DIP2C: variants seen among roughly 807,000 people sequenced by gnomAD.
DIP2C encodes the protein disco-interacting protein 2 homolog C.
A neutral mutation model predicts 192.4 loss-of-function variants in DIP2C; 33 were observed. The ratio of observed to expected loss-of-function variants is 0.17; its 90% CI spans 0.13 to 0.23. The LOEUF (loss-of-function observed/expected upper bound fraction) is 0.23. Among genes scored for constraint, DIP2C ranks in the 10% least tolerant of loss-of-function variants. DIP2C has a pLI of 1.00. For synonymous variants in DIP2C, 979 were observed against 864.1 expected, an observed-to-expected ratio of 1.13 and a Z score of -2.33; for missense variants, 1,537 against 2,110.1, an observed-to-expected ratio of 0.73 and a Z score of 5.32.
intron 17 of DIP2C, among the ~76,000 whole-genome samples, chr10:377,791 C>A (rs1177810760): frequency 2.6e-5 from 4 of 152,178 alleles, no homozygotes; most frequent in Non-Finnish European, 5.9e-5. Context: ...TGGATACTTT[C>A]AAAAACTAGA....
intron 1 of DIP2C, among the ~76,000 whole-genome samples, chr10:509,693 A>G (rs1430659810): frequency 6.6e-6 from 1 of 152,192 alleles, no homozygotes; most frequent in African/African-American, 2.4e-5. Flanking sequence ...AAGCAGATCC[A>G]TGAGACACAG....
rs2132011874 is a variant in DIP2C, at chr10:651,643, A to G, written c.85+37851T>C. ...CAAGGCTCTGAGGCCAACTTTGAACATTTATTTGAGTGAATTCACGTCCCC... is the reference window on the plus strand; with the variant it reads ...CAAGGCTCTGAGGCCAACTTTGAACGTTTATTTGAGTGAATTCACGTCCCC... On this transcript the variant is annotated intron_variant, in intron 1 of 36. Coordinates refer to ENST00000280886, the MANE Select transcript of DIP2C (RefSeq NM_014974.3). This position sits in a 1 kb window ranked among gnomAD's most constrained non-coding sequence, Gnocchi z 4.1. 1 of 351,854 alleles carries G rather than the reference A, an allele frequency of 2.8e-6. No individual in the cohort carries two copies. The highest frequency in any genetic ancestry group is 5.5e-6 in the Non-Finnish European group (1 of 180,528). The allele number at this position is 351,854 out of a possible 1,614,324, so 21.8% of individuals were successfully genotyped here. A position where few individuals can be genotyped will look rare whatever the true frequency, so the allele number is the denominator to read the frequency against.
chr10:423,399 G>A (rs765167572), intron 4 of DIP2C, among the ~76,000 whole-genome samples: 4 of 152,240 alleles, frequency 2.6e-5, no homozygotes, highest in African/African-American at 7.2e-5. Flanking sequence ...GAGGGCCTGT[G>A]CGGCTCTCAG....
intron 1 of DIP2C, among the ~76,000 whole-genome samples, chr10:656,422 T>TC (rs1474218337): frequency 5.9e-5 from 9 of 152,194 alleles, no homozygotes; most frequent in Admixed American, 1.3e-4. Flanking sequence ...CTTTACCATG[T>TC]CCCACTACAT....
At chr10:586,023 G>A (rs1169669302) in intron 1 of DIP2C, among the ~76,000 whole-genome samples, 1 of 152,174 alleles carries the variant, frequency 6.6e-6, no homozygotes, top group Non-Finnish European at 1.5e-5. Flanking sequence ...CAGGATTAAA[G>A]GCAGGACTCC....
At chr10:376,664 C>T (rs867728613) in intron 17 of DIP2C, among the ~76,000 whole-genome samples, 16 of 151,972 alleles carry the variant, frequency 1.1e-4, no homozygotes, top group Admixed American at 2.6e-4. Context: ...ATGAAGGTGC[C>T]GGGGCAGCCA....
chr10:458,150 CA>C (rs1969458567), intron 3 of DIP2C, among the ~76,000 whole-genome samples: 1 of 152,220 alleles, frequency 6.6e-6, no homozygotes, highest in Non-Finnish European at 1.5e-5. Flanking sequence ...CAGAGCCTGT[CA>C]CCTCCTCTGG....
At chr10:486,412 G>C in intron 2 of DIP2C, 47 bp downstream of exon 2, 1 of 1,512,996 alleles carries the variant, frequency 6.6e-7, no homozygotes, top group Non-Finnish European at 8.9e-7. Context: ...GGCACATAGT[G>C]AATGCGGGAA....
chr10:572,648 A>G (rs1483954411), intron 1 of DIP2C, among the ~76,000 whole-genome samples: 1 of 152,248 alleles, frequency 6.6e-6, no homozygotes, highest in Admixed American at 6.5e-5. Flanking sequence ...CTCTCCAGTG[A>G]CTGTATTCAC....
At chr10:370,081 T>C in intron 17 of DIP2C, 1 of 979,790 alleles carries the variant, frequency 1.0e-6, no homozygotes, top group African/African-American at 1.7e-5. Context: ...ACAGCAATGA[T>C]GGAAATCCTG....
chr10:540,622 A>G (rs1847928394), intron 1 of DIP2C, among the ~76,000 whole-genome samples: 1 of 152,228 alleles, frequency 6.6e-6, no homozygotes, highest in South Asian at 2.1e-4. Context: ...GACCAAGAAT[A>G]TGGCGGTGAT....
intron 9 of DIP2C, among the ~76,000 whole-genome samples, 162 bp from the exon 10 acceptor site, chr10:399,381 C>T (rs1017544658): frequency 4.6e-5 from 7 of 152,154 alleles, no homozygotes; most frequent in African/African-American, 1.7e-4. Context: ...ATCACACACC[C>T]GGCCTTGAAT....
At chr10:477,910 G>C (rs372821098) in intron 2 of DIP2C, among the ~76,000 whole-genome samples, 39 of 98,196 alleles carry the variant, frequency 4.0e-4, no homozygotes, top group African/African-American at 1.6e-3. Flanking sequence ...GAGAGGGAAA[G>C]AAAAGACAGG....
At chr10:678,846 G>A (rs1297289827) in intron 1 of DIP2C, among the ~76,000 whole-genome samples, 3 of 64,072 alleles carry the variant, frequency 4.7e-5, no homozygotes, top group African/African-American at 9.4e-5. Flanking sequence ...CGTGCTCCCC[G>A]CACCCATCTC....
Position 617,027 on chromosome 10 carries a change from C to T in DIP2C, c.85+72467G>A, listed in dbSNP as rs578067562. Among the ~76,000 whole-genome samples the T allele has an allele frequency of 4.6e-5, 7 of 152,210 alleles. No homozygotes were observed. The South Asian group carries it at 8.3e-4, about 18-fold the overall frequency. The stretch of plus-strand genomic sequence containing the variant: ...AGGGACTGAGATTTCACATAAAATG[C>T]GTAGCACATGGCTAAGGGCCAAGGT... On this transcript the variant is annotated intron_variant, in intron 1 of 36. Coordinates refer to ENST00000280886, the MANE Select transcript of DIP2C (RefSeq NM_014974.3).
At chr10:409,089 C>A in intron 8 of DIP2C, 72 bp from the exon 9 acceptor site, 1 of 1,514,728 alleles carries the variant, frequency 6.6e-7, no homozygotes, top group South Asian at 1.2e-5. Context: ...AAGTCAAAGT[C>A]TAGGACATGA....
At chr10:405,874 T>C (rs1964767286) in intron 9 of DIP2C, among the ~76,000 whole-genome samples, 1 of 152,182 alleles carries the variant, frequency 6.6e-6, no homozygotes, top group Middle Eastern at 3.2e-3. Context: ...TTCAGCACCT[T>C]CCACGCTACT....
chr10:333,219 C>A (rs1957580444), intron 29 of DIP2C, among the ~76,000 whole-genome samples: 1 of 152,128 alleles, frequency 6.6e-6, no homozygotes, highest in African/African-American at 2.4e-5. Flanking sequence ...TTTTAAAACA[C>A]CCGTCGGCTT....
intron 1 of DIP2C, among the ~76,000 whole-genome samples, chr10:525,330 A>G (rs1413361928): frequency 6.6e-6 from 1 of 152,214 alleles, no homozygotes; most frequent in African/African-American, 2.4e-5. Context: ...GGTTTCTGAT[A>G]GAAGCTTTTA....
Sources: allele counts gnomAD v4.1 joint callset (sites outside exome capture counted in the v4.1 genomes callset), GRCh38; gene constraint gnomAD v4.1.1; non-coding constraint Gnocchi (gnomAD v3.1); transcripts MANE v1.5; gene names NCBI Gene and HGNC (gene_info 2026-07-23, HGNC 2026-07-21).